The following TBC1D1 variants were observed in gnomAD, a reference collection of about 807,000 sequenced individuals.
TBC1D1 encodes TBC1 (tre-2/USP6, BUB2, cdc16) domain family, member 1.
TBC1D1 carries 89 observed loss-of-function variants against 125.6 expected under a neutral mutation model. The ratio of observed to expected loss-of-function variants is 0.71; its 90% CI spans 0.60 to 0.85. The LOEUF is 0.85. TBC1D1 is among the 40% of genes least tolerant of loss of function. The probability of loss-of-function intolerance (pLI) is 0.00; values close to 1 mark genes in which losing one functional copy is unlikely to be tolerated. For missense variants in TBC1D1, 1,377 were observed against 1,469.2 expected (o/e 0.94, Z 1.03); for synonymous variants, 565 against 564.1 (o/e 1.00, Z -0.02).
intron 17 of TBC1D1, among the ~76,000 whole-genome samples, chr4:38,123,016 C>T (rs1409702451): frequency 6.6e-6 from 1 of 152,184 alleles, no homozygotes; most frequent in Non-Finnish European, 1.5e-5. Context: ...TAATAAATCT[C>T]AGAAGATCTC....
intron 15 of TBC1D1, among the ~76,000 whole-genome samples, chr4:38,104,630 CTGAT>C (rs938853991): frequency 6.6e-6 from 1 of 152,190 alleles, no homozygotes; most frequent in Non-Finnish European, 1.5e-5. Context: ...GCCCGGTTCT[CTGAT>C]TGTTCCTGCA....
chr4:38,007,077 C>T (rs543091145), intron 2 of TBC1D1: 53 of 330,586 alleles, frequency 1.6e-4, no homozygotes, highest in African/African-American at 8.0e-4. Context: ...ACGAGACATG[C>T]GCAGGGCATA....
chr4:37,913,611 ATATATATATATGTGTG>A (rs1367682452), intron 2 of TBC1D1, among the ~76,000 whole-genome samples: 5 of 150,176 alleles, frequency 3.3e-5, no homozygotes, highest in Non-Finnish European at 7.4e-5. Flanking sequence ...AAAAATAAAT[ATATATATATATGTGTG>A]TATATATATA....
At chr4:38,110,270 T>C in intron 15 of TBC1D1, 1 of 979,326 alleles carries the variant, frequency 1.0e-6, no homozygotes, top group Non-Finnish European at 1.2e-6. Context: ...GCAAGATCTC[T>C]TGAGGGGCTT....
At chr4:38,042,127 G>C (rs948736344) in intron 8 of TBC1D1, among the ~76,000 whole-genome samples, 1 of 152,020 alleles carries the variant, frequency 6.6e-6, no homozygotes, top group Non-Finnish European at 1.5e-5. Context: ...AGTAAGCCAA[G>C]ATCGTACCAC....
intron 2 of TBC1D1, chr4:37,960,402 G>A: frequency 6.4e-7 from 1 of 1,560,924 alleles, no homozygotes; most frequent in Non-Finnish European, 8.7e-7. Flanking sequence ...GGTCTTAGAT[G>A]AATGTGGCTG....
chr4:38,066,039 G>A (rs954847916), intron 12 of TBC1D1, among the ~76,000 whole-genome samples: 1 of 152,126 alleles, frequency 6.6e-6, no homozygotes, highest in Non-Finnish European at 1.5e-5. Flanking sequence ...GCCAGGATTC[G>A]TATCAATCTA....
intron 2 of TBC1D1, among the ~76,000 whole-genome samples, chr4:37,913,780 C>T (rs557411690): frequency 1.3e-5 from 2 of 150,776 alleles, no homozygotes; most frequent in South Asian, 4.2e-4. Flanking sequence ...GCTACCTTCA[C>T]CTGCACTCCC....
chr4:38,129,940 C>T (rs1410055867), intron 18 of TBC1D1, among the ~76,000 whole-genome samples: 3 of 152,136 alleles, frequency 2.0e-5, no homozygotes. Context: ...TGTTGGGAGA[C>T]AATTTGGCGA....
intron 18 of TBC1D1, among the ~76,000 whole-genome samples, chr4:38,126,192 T>C (rs1391686824): frequency 6.6e-6 from 1 of 152,216 alleles, no homozygotes; most frequent in Non-Finnish European, 1.5e-5. Context: ...TTTGTGTATC[T>C]AAACATAACT....
At chr4:38,026,783 T>C (rs994484701) in intron 6 of TBC1D1, among the ~76,000 whole-genome samples, 1 of 152,242 alleles carries the variant, frequency 6.6e-6, no homozygotes, top group Non-Finnish European at 1.5e-5. Flanking sequence ...TCTTGAAATA[T>C]CGGGTTCTAA....
chr4:37,926,588 G>C (rs1560486774), intron 2 of TBC1D1, among the ~76,000 whole-genome samples: 1 of 152,206 alleles, frequency 6.6e-6, no homozygotes, highest in Non-Finnish European at 1.5e-5. Flanking sequence ...TCGAGGTGAT[G>C]CGGCCCCACT....
chr4:38,013,527 G>C (rs1266140224), intron 2 of TBC1D1, among the ~76,000 whole-genome samples: 1 of 152,220 alleles, frequency 6.6e-6, no homozygotes, highest in Non-Finnish European at 1.5e-5. Context: ...AGGCCCTTTT[G>C]AAGATTAAAT....
chr4:37,952,382 T>A (rs1728063322), intron 2 of TBC1D1: 1 of 370,570 alleles, frequency 2.7e-6, no homozygotes, highest in Non-Finnish European at 5.1e-6. Context: ...TCAATCCAAG[T>A]GTCCATCAAT....
At chr4:38,039,901 G>T (rs1190470681) in intron 8 of TBC1D1, among the ~76,000 whole-genome samples, 1 of 151,868 alleles carries the variant, frequency 6.6e-6, no homozygotes, top group Non-Finnish European at 1.5e-5. Flanking sequence ...ATTGTTTGAG[G>T]CCAGGAGTTT....
rs577223561 is a variant in TBC1D1 at position 37,949,971 on chromosome 4, G to A, written c.417+47459G>A. 7.9e-5 allele frequency among the ~76,000 whole-genome samples: 12 copies of A among 151,850 alleles called. No individual in the cohort carries two copies. In the East Asian group the frequency reaches 1.6e-3, roughly 20 times the overall value. On this transcript the variant is annotated intron_variant, in intron 2 of 19. Transcript: ENST00000261439. ...AGTTGCACCGAGAGGTAACCCATTC[G>A]TTACCATACCCTTTTTTACTGGCCT...
chr4:37,998,498 C>T (rs1391541992), intron 2 of TBC1D1, among the ~76,000 whole-genome samples: 2 of 152,198 alleles, frequency 1.3e-5, no homozygotes, highest in African/African-American at 4.8e-5. Flanking sequence ...TCCTCCACAC[C>T]TCCCTCCTCG....
intron 6 of TBC1D1, among the ~76,000 whole-genome samples, chr4:38,026,675 C>T (rs1200573293): frequency 6.6e-6 from 1 of 152,152 alleles, no homozygotes; most frequent in Non-Finnish European, 1.5e-5. Context: ...TCAGCATATC[C>T]TTTCATTATC....
At chr4:37,994,567 GA>G (rs1737346490) in intron 2 of TBC1D1, among the ~76,000 whole-genome samples, 1 of 152,166 alleles carries the variant, frequency 6.6e-6, no homozygotes, top group Admixed American at 6.5e-5. Flanking sequence ...TTTTTGAGAA[GA>G]GTGGAGCTAA....
Sources: allele counts gnomAD v4.1 joint callset (sites outside exome capture counted in the v4.1 genomes callset), GRCh38; gene constraint gnomAD v4.1.1; transcripts MANE v1.5; gene names NCBI Gene and HGNC (gene_info 2026-07-23, HGNC 2026-07-21).